Variants in BPTF observed in about 807,000 individuals in gnomAD.
BPTF encodes nucleosome-remodeling factor subunit BPTF.
Under a neutral mutation model 292.5 loss-of-function variants are expected in BPTF, and 18 were observed. The ratio of observed to expected loss-of-function variants is 0.06; its 90% confidence interval spans 0.04 to 0.09. The LOEUF (loss-of-function observed/expected upper bound fraction) is 0.09, where lower values mean the gene tolerates loss of function less well. BPTF is among the 10% of genes least tolerant of loss of function. BPTF has a pLI of 1.00. For synonymous variants in BPTF, 1,225 were observed against 1,251.9 expected (o/e 0.98, Z 0.45); for missense variants, 2,726 against 3,498.7 (o/e 0.78, Z 5.57).
intron 2 of BPTF, among the ~76,000 whole-genome samples, chr17:67,859,554 G>A (rs1172539229): frequency 6.6e-6 from 1 of 152,192 alleles, no homozygotes; most frequent in Non-Finnish European, 1.5e-5. Flanking sequence ...TTAGGAGGTA[G>A]AACCTGGAAT....
intron 26 of BPTF, chr17:67,974,616 A>G (rs1555692868): frequency 6.6e-6 from 1 of 152,226 alleles, no homozygotes; most frequent in African/African-American, 2.4e-5. Context: ...AACCTCTCCT[A>G]AGGTTCAGTA....
chr17:67,883,943 G>A (rs948499337), intron 4 of BPTF, among the ~76,000 whole-genome samples: 6 of 151,994 alleles, frequency 3.9e-5, no homozygotes, highest in African/African-American at 1.2e-4. Flanking sequence ...TTATAAATTT[G>A]TATTTCCTCC....
intron 26 of BPTF, 116 bp from the exon 27 acceptor site, chr17:67,975,656 G>T: frequency 2.4e-6 from 2 of 847,050 alleles, no homozygotes; most frequent in Non-Finnish European, 3.5e-6. Flanking sequence ...GGGTGAACCA[G>T]CCTGGCTCCA....
intron 3 of BPTF, among the ~76,000 whole-genome samples, chr17:67,867,093 G>A (rs1310607652): frequency 6.6e-6 from 1 of 152,196 alleles, no homozygotes; most frequent in Admixed American, 6.5e-5. Context: ...ACATTGTGCA[G>A]TGCATGACTG....
chr17:67,838,019 T>C (rs1417926920), intron 1 of BPTF, among the ~76,000 whole-genome samples: 1 of 152,126 alleles, frequency 6.6e-6, no homozygotes, highest in Non-Finnish European at 1.5e-5. Flanking sequence ...ACCTGTACAG[T>C]ATAGGATGGA....
At chr17:67,902,165 G>T (rs1410726077) in intron 7 of BPTF, among the ~76,000 whole-genome samples, 1 of 152,184 alleles carries the variant, frequency 6.6e-6, no homozygotes, top group South Asian at 2.1e-4. Flanking sequence ...GGTGATAAAA[G>T]GGACCTCTTT....
chr17:67,858,990 A>T (rs982182837), intron 2 of BPTF, among the ~76,000 whole-genome samples: 1 of 152,198 alleles, frequency 6.6e-6, no homozygotes, highest in Non-Finnish European at 1.5e-5. Flanking sequence ...CTGTAAAATG[A>T]AGTAGTTGTG....
chr17:67,871,091 G>A (rs757113706), intron 3 of BPTF, among the ~76,000 whole-genome samples: 7 of 151,760 alleles, frequency 4.6e-5, no homozygotes, highest in Non-Finnish European at 8.8e-5. Context: ...CATTTCTAAT[G>A]TATAACTCTC....
chr17:67,906,865 A>G (rs1386098130), intron 9 of BPTF, among the ~76,000 whole-genome samples: 1 of 152,142 alleles, frequency 6.6e-6, no homozygotes, highest in East Asian at 1.9e-4. Context: ...TCCTTGGGAT[A>G]TTTAGGTTCA....
intron 23 of BPTF, chr17:67,951,684 AT>A (rs1382851048): frequency 6.6e-6 from 1 of 152,222 alleles, no homozygotes; most frequent in African/African-American, 2.4e-5. Flanking sequence ...TATCTTGTAT[AT>A]ATTACTTTAA....
chr17:67,891,394 A>G (rs1247688646), intron 4 of BPTF: 1 of 152,600 alleles, frequency 6.6e-6, no homozygotes, highest in East Asian at 1.9e-4. Flanking sequence ...AATTCATGAC[A>G]TTTATGTTTA....
At chr17:67,929,184 C>T (rs919708799) in intron 16 of BPTF, 152 bp from the exon 17 acceptor site, 25 of 1,394,998 alleles carry the variant, frequency 1.8e-5, no homozygotes, top group Non-Finnish European at 2.3e-5. Context: ...TATTTTTCAT[C>T]TCCTTTTCAC....
intron 1 of BPTF, among the ~76,000 whole-genome samples, chr17:67,853,117 C>T (rs1033335004): frequency 1.3e-5 from 2 of 152,194 alleles, no homozygotes; most frequent in Admixed American, 6.5e-5. Context: ...GCCTAGGCGA[C>T]GGCTGTAGGT....
chr17:67,912,800 C>T lies in BPTF; in HGVS notation c.4916C>T (p.Ser1639Phe). The T allele has an allele frequency of 6.2e-7, 1 of 1,614,166 alleles. No individual in the cohort carries two copies. The highest frequency in any genetic ancestry group is 8.5e-7 in the Non-Finnish European group (1 of 1,180,030). The change falls in exon 11 of 28, where the codon TCC becomes TTC. Residue 1639 changes from serine to phenylalanine, a missense_variant. Ser to Phe is a radical substitution (Grantham distance 155). Around this residue, in one of 22 missense-constraint regions of BPTF, gnomAD observed 144 missense variants for 177.2 expected, o/e 0.81. Transcript: ENST00000306378. ...TTTVTKLSTP[S>F]TGGSVDIISV... ...ACAGTGACCAAGCTTTCCACACCCT[C>T]CACAGGCGGCAGTGTGGACATCATC...
intron 1 of BPTF, among the ~76,000 whole-genome samples, chr17:67,843,705 G>A (rs1049630951): frequency 1.3e-5 from 2 of 148,566 alleles, no homozygotes; most frequent in African/African-American, 5.0e-5. Flanking sequence ...TTGGGTGTGA[G>A]GGTGGTCTTT....
chr17:67,901,557 A>T (rs1194477862), intron 7 of BPTF, among the ~76,000 whole-genome samples: 1 of 152,242 alleles, frequency 6.6e-6, no homozygotes, highest in Admixed American at 6.5e-5. Context: ...ATTGACAAAG[A>T]CCTTTTATAA....
chr17:67,912,628 A>G lies in BPTF; in HGVS notation c.4744A>G (p.Lys1582Glu). Residue 1582 changes from lysine (K) to glutamate (E), a missense_variant, in exon 11 of 28, where the codon AAA (lysine) becomes GAA (glutamate). Lys to Glu is a moderately conservative substitution (Grantham distance 56). Coordinates refer to ENST00000306378, the MANE Select transcript of BPTF (RefSeq NM_182641.4). ...AAATGTCAATGGAGAATCTAAAAGAAAAACCGTCATCACAGAAGTCACCAC... is the reference window on the plus strand; with the variant it reads ...AAATGTCAATGGAGAATCTAAAAGAGAAACCGTCATCACAGAAGTCACCAC... ...NENVNGESKRKTVITEVTTMT... is the reference protein window; with the variant it reads ...NENVNGESKRETVITEVTTMT... The G allele has an allele frequency of 3.7e-6, 6 of 1,613,310 alleles. No homozygotes were observed. Among genetic ancestry groups the G allele is most frequent in the Non-Finnish European group, 5.1e-6 (6 of 1,179,874 alleles).
intron 4 of BPTF, among the ~76,000 whole-genome samples, chr17:67,877,178 G>A (rs914482567): frequency 4.6e-5 from 7 of 152,238 alleles, no homozygotes; most frequent in Admixed American, 2.0e-4. Flanking sequence ...TAACGGAGAT[G>A]TATCAGTGAC....
intron 18 of BPTF, among the ~76,000 whole-genome samples, chr17:67,940,012 AAT>A (rs550092980): frequency 1.0e-3 from 152 of 152,366 alleles, no homozygotes; most frequent in African/African-American, 3.4e-3. Flanking sequence ...GTTGGCCCAG[AAT>A]ATTCCAGATT....
Sources: allele counts gnomAD v4.1 joint callset (sites outside exome capture counted in the v4.1 genomes callset), GRCh38; gene constraint gnomAD v4.1.1; regional missense constraint gnomAD v4.1.1; transcripts MANE v1.5; gene names NCBI Gene and HGNC (gene_info 2026-07-23, HGNC 2026-07-21).